The following RTL4 variants were observed in gnomAD, a reference collection of about 807,000 sequenced individuals.
RTL4 encodes the protein retrotransposon Gag like 4.
A neutral mutation model predicts 5.3 loss-of-function variants in RTL4; 4 were observed. The ratio of observed to expected loss-of-function variants is 0.75; its 90% CI spans 0.37 to 1.72. The LOEUF is 1.72. RTL4 is among the 40% of genes most tolerant of loss of function. The pLI is 0.04. For synonymous variants in RTL4, 98 were observed against 87.3 expected (o/e 1.12, Z -0.68); for missense variants, 260 against 227.1 (o/e 1.14, Z -0.93).
At chrX:112,397,565 T>C in the RTL4 span, among the ~76,000 whole-genome samples, 1 of 112,104 alleles carries the variant, frequency 8.9e-6, no homozygotes, top group Admixed American at 9.4e-5. Context: ...TACACTGAGC[T>C]GAATTTATAG....
the RTL4 span, among the ~76,000 whole-genome samples, chrX:112,205,639 G>A: frequency 9.0e-6 from 1 of 110,889 alleles, no homozygotes; most frequent in African/African-American, 3.3e-5. Context: ...ACACACACAG[G>A]CACACATACA....
the RTL4 span, among the ~76,000 whole-genome samples, chrX:112,326,395 C>T: frequency 1.3e-4 from 15 of 111,504 alleles, no homozygotes; most frequent in Non-Finnish European, 1.7e-4. Flanking sequence ...CAGTGACAGA[C>T]GGCAACTGGA....
chrX:112,419,595 T>TATATATATATATATATATA, the RTL4 span, among the ~76,000 whole-genome samples: 11 of 28,155 alleles, frequency 3.9e-4, no homozygotes, highest in Middle Eastern at 0.021. Flanking sequence ...ATATATATAT[T>TATATATATATATATATATA]TTTACATATG....
At chrX:112,121,638 G>A in the RTL4 span, among the ~76,000 whole-genome samples, 3 of 110,978 alleles carry the variant, frequency 2.7e-5, no homozygotes, top group East Asian at 8.5e-4. Flanking sequence ...ATATGTTAGA[G>A]GAATTATAGG....
the RTL4 span, among the ~76,000 whole-genome samples, chrX:112,208,063 T>C: frequency 9.0e-6 from 1 of 111,709 alleles, no homozygotes; most frequent in African/African-American, 3.3e-5. Context: ...ACTTGTGGCA[T>C]TGAGACCAAA....
the RTL4 span, among the ~76,000 whole-genome samples, chrX:112,195,415 T>C: frequency 1.8e-5 from 2 of 112,159 alleles, no homozygotes; most frequent in Admixed American, 9.5e-5. Context: ...CTTTGTCCCA[T>C]CTGTCTACTC....
the RTL4 span, among the ~76,000 whole-genome samples, chrX:112,363,664 T>C: frequency 1.3e-4 from 15 of 111,685 alleles, no homozygotes; most frequent in African/African-American, 4.5e-4. Context: ...TTACACTCTG[T>C]GAAATGCCCT....
the RTL4 span, among the ~76,000 whole-genome samples, chrX:112,173,504 C>T: frequency 3.6e-5 from 4 of 111,415 alleles, no homozygotes; most frequent in South Asian, 3.9e-4. Flanking sequence ...TAAAAGCAAT[C>T]GTGGCCATAA....
chrX:112,371,359 A>C, the RTL4 span, among the ~76,000 whole-genome samples: 2 of 111,552 alleles, frequency 1.8e-5, no homozygotes, highest in South Asian at 7.5e-4. Context: ...ACTATGATGC[A>C]GTCTATCCTC....
At chrX:112,234,629 GCCCA>G in the RTL4 span, among the ~76,000 whole-genome samples, 1 of 111,830 alleles carries the variant, frequency 8.9e-6, no homozygotes, top group Non-Finnish European at 1.9e-5. Context: ...AATCCCACCC[GCCCA>G]CCTGTACGTG....
chrX:112,138,387 A>G, the RTL4 span, among the ~76,000 whole-genome samples: 1 of 111,905 alleles, frequency 8.9e-6, no homozygotes, highest in African/African-American at 3.2e-5. Context: ...GTAAGAAAGT[A>G]AATATTACAT....
the RTL4 span, among the ~76,000 whole-genome samples, chrX:112,169,065 TTTC>T: frequency 1.9e-4 from 7 of 36,218 alleles, no homozygotes; most frequent in Non-Finnish European, 3.4e-4. Context: ...TCTTTCTTTC[TTTC>T]TTTTTTCTTT....
the RTL4 span, among the ~76,000 whole-genome samples, chrX:112,169,352 G>A: frequency 9.1e-6 from 1 of 109,959 alleles, no homozygotes; most frequent in African/African-American, 3.3e-5. Context: ...GACCTCAGGT[G>A]ATCCACCCGC....
chrX:112,391,768 T>C, the RTL4 span, among the ~76,000 whole-genome samples: 32 of 111,062 alleles, frequency 2.9e-4, no homozygotes, highest in African/African-American at 1.0e-3. Flanking sequence ...CTATAGATTG[T>C]GGCTTGGCAC....
the RTL4 span, among the ~76,000 whole-genome samples, chrX:112,419,595 T>TATATGTATATGTGTATATATATATATA: frequency 3.6e-5 from 1 of 28,158 alleles, no homozygotes; most frequent in Non-Finnish European, 9.7e-5. Flanking sequence ...ATATATATAT[T>TATATGTATATGTGTATATATATATATA]TTTACATATG....
chrX:112,401,885 C>T, the RTL4 span, among the ~76,000 whole-genome samples: 26 of 112,276 alleles, frequency 2.3e-4, no homozygotes, highest in African/African-American at 7.1e-4. Context: ...TAAACATCAA[C>T]CCTTCTGCCT....
the RTL4 span, among the ~76,000 whole-genome samples, chrX:112,188,609 G>T: frequency 9.0e-6 from 1 of 111,379 alleles, no homozygotes; most frequent in Non-Finnish European, 1.9e-5. Flanking sequence ...CTGATCCTTG[G>T]AGAGAAAATG....
At chrX:112,099,635 C>T in the RTL4 span, among the ~76,000 whole-genome samples, 29 of 110,687 alleles carry the variant, frequency 2.6e-4, no homozygotes, top group Non-Finnish European at 5.3e-4. Context: ...AGAGTGTGTC[C>T]GATTGTCAAA....
chrX:112,315,120 C>T, the RTL4 span, among the ~76,000 whole-genome samples: 1 of 111,730 alleles, frequency 9.0e-6, no homozygotes, highest in Non-Finnish European at 1.9e-5. Flanking sequence ...CCTTATATTG[C>T]TGAAGAGAGA....
Sources: gnomAD v4.1 joint callset for allele counts (sites outside exome capture counted in the v4.1 genomes callset) on GRCh38, gnomAD v4.1.1 for gene constraint, MANE v1.5 for transcripts, NCBI Gene and HGNC (gene_info 2026-07-23, HGNC 2026-07-21) for gene names.